Variants in OSBPL10 observed in about 807,000 individuals in gnomAD.
OSBPL10 encodes oxysterol binding protein like 10, also known as oxysterol-binding protein-related protein 10.
Under a neutral mutation model 81.7 loss-of-function variants are expected in OSBPL10, and 49 were observed. That is an observed-to-expected ratio of 0.60 (90% CI 0.48 to 0.76). OSBPL10 has a LOEUF of 0.76. OSBPL10 is among the 30% of genes least tolerant of loss of function. The pLI, the probability that OSBPL10 is intolerant of heterozygous loss-of-function variation, is 0.00. For synonymous variants in OSBPL10, 419 were observed against 383.6 expected (o/e 1.09, Z -1.08); for missense variants, 923 against 987.8 (o/e 0.93, Z 0.88).
At chr3:31,697,664 A>G (rs1360760559) in intron 7 of OSBPL10, among the ~76,000 whole-genome samples, 1 of 152,208 alleles carries the variant, frequency 6.6e-6, no homozygotes, top group East Asian at 1.9e-4. Flanking sequence ...CATACTGCAC[A>G]TCATATGCAA....
chr3:31,829,875 T>A (rs1188317466), intron 4 of OSBPL10, among the ~76,000 whole-genome samples, 165 bp downstream of exon 4: 2 of 152,162 alleles, frequency 1.3e-5, no homozygotes, highest in African/African-American at 2.4e-5. Flanking sequence ...AACAATTAAC[T>A]TTTTTTAAAC....
chr3:31,934,240 G>T, intron 1 of OSBPL10, among the ~76,000 whole-genome samples: 1 of 152,026 alleles, frequency 6.6e-6, no homozygotes, highest in South Asian at 2.1e-4. Context: ...GAGGCTGAGC[G>T]GGGGAGGATG....
intron 2 of OSBPL10, among the ~76,000 whole-genome samples, chr3:32,005,860 T>A (rs941647914): frequency 2.0e-5 from 3 of 152,214 alleles, no homozygotes; most frequent in Non-Finnish European, 2.9e-5. Flanking sequence ...GTGCTGGGAT[T>A]ACAGGGTGAG....
chr3:31,864,834 T>C (rs143905246), intron 3 of OSBPL10, among the ~76,000 whole-genome samples: 11 of 152,140 alleles, frequency 7.2e-5, no homozygotes, highest in Middle Eastern at 3.4e-3. Flanking sequence ...TAACTAGCAG[T>C]CTCCTTTGCT....
At chr3:31,982,959 C>G (rs1485411274), upstream of OSBPL10, among the ~76,000 whole-genome samples, 1 of 152,170 alleles carries the variant, frequency 6.6e-6, no homozygotes, top group Non-Finnish European at 1.5e-5. Context: ...GCTTTAAGAG[C>G]AGTCATATGG....
In OSBPL10 at chr3:31,897,956, C is replaced by T. The variant is rs1035643412; in HGVS notation, c.282-18126G>A. Among the ~76,000 whole-genome samples, 12 of 129,308 alleles carry T rather than the reference C, an allele frequency of 9.3e-5. No individual in the cohort carries two copies. In the Admixed American group the frequency reaches 1.1e-3, roughly 12 times the overall value. 84.8% of individuals were successfully genotyped at this position (129,308 alleles called of 152,430 possible). On this transcript the variant is annotated intron_variant, in intron 1 of 11. Transcript: ENST00000396556. ...CTGGTAGGAGGAGGTTGCAGTGAGC[C>T]GAGATCATGCCACTGCACCCCAGCT...
In OSBPL10 at chr3:31,907,292, C is replaced by A. The variant is rs1328368635; in HGVS notation, c.282-27462G>T. ...TCGTCTTAAAAATAGGGCAGGTATT[C>A]TTTATTGCATTTTACTTGTAAGAAA... On this transcript the variant is annotated intron_variant, in intron 1 of 11. Coordinates refer to ENST00000396556, the MANE Select transcript of OSBPL10 (RefSeq NM_017784.5). Among the ~76,000 whole-genome samples the A allele has an allele frequency of 2.0e-5, 3 of 152,068 alleles. No homozygotes were observed. The East Asian group carries it at 5.8e-4, about 29-fold the overall frequency.
intron 1 of OSBPL10, among the ~76,000 whole-genome samples, chr3:31,894,914 A>G (rs891349393): frequency 6.6e-6 from 1 of 152,142 alleles, no homozygotes; most frequent in Non-Finnish European, 1.5e-5. Flanking sequence ...ATGAGGAAAA[A>G]TGCTGTCGTA....
chr3:32,067,281 C>T (rs1253578413), intron 1 of OSBPL10, among the ~76,000 whole-genome samples: 1 of 152,122 alleles, frequency 6.6e-6, no homozygotes, highest in Non-Finnish European at 1.5e-5. Flanking sequence ...ATCTTGCCTT[C>T]CCAAGTGGGA....
At chr3:31,838,762 A>C (rs1348305632) in intron 3 of OSBPL10, among the ~76,000 whole-genome samples, 1 of 152,304 alleles carries the variant, frequency 6.6e-6, no homozygotes, top group East Asian at 1.9e-4. Flanking sequence ...CCAATATAGC[A>C]TACTAATTCT....
intron 11 of OSBPL10, chr3:31,663,873 C>T: frequency 6.9e-7 from 1 of 1,446,408 alleles, no homozygotes; most frequent in Non-Finnish European, 9.1e-7. Flanking sequence ...CTCAGTTCTG[C>T]CCTCCAGAAG....
intron 3 of OSBPL10, among the ~76,000 whole-genome samples, chr3:31,864,309 C>G (rs1470242940): frequency 2.0e-5 from 3 of 152,060 alleles, no homozygotes; most frequent in Non-Finnish European, 4.4e-5. Context: ...GTGGTGCAAT[C>G]TGGCTCACTG....
intron 6 of OSBPL10, among the ~76,000 whole-genome samples, chr3:31,712,558 C>A (rs1696295390): frequency 6.6e-6 from 1 of 152,166 alleles, no homozygotes; most frequent in Non-Finnish European, 1.5e-5. Context: ...GAAGGGGCTG[C>A]AAGCCAAGGA....
chr3:31,902,682 C>A (rs1696284367), intron 1 of OSBPL10, among the ~76,000 whole-genome samples: 1 of 152,194 alleles, frequency 6.6e-6, no homozygotes, highest in African/African-American at 2.4e-5. Flanking sequence ...CCTGCCTCAG[C>A]CTCCTGAGTA....
At chr3:32,039,820 T>A (rs150150320) in intron 2 of OSBPL10, among the ~76,000 whole-genome samples, 259 of 152,270 alleles carry the variant, frequency 1.7e-3, no homozygotes, top group Non-Finnish European at 2.8e-3. Context: ...TATTATAATA[T>A]ACAATATATG....
intron 8 of OSBPL10, among the ~76,000 whole-genome samples, chr3:31,677,050 G>A (rs1274037665): frequency 3.9e-5 from 6 of 152,178 alleles, no homozygotes; most frequent in Admixed American, 2.0e-4. Flanking sequence ...ATGAGCCCAC[G>A]TATTTACGTT....
chr3:31,782,975 G>A (rs968685602), intron 4 of OSBPL10, among the ~76,000 whole-genome samples: 2 of 151,934 alleles, frequency 1.3e-5, no homozygotes, highest in African/African-American at 2.4e-5. Context: ...ACATGAAAAA[G>A]ACACTTGCAC....
At chr3:31,817,039 C>T (rs1208048460) in intron 4 of OSBPL10, among the ~76,000 whole-genome samples, 1 of 152,188 alleles carries the variant, frequency 6.6e-6, no homozygotes, top group African/African-American at 2.4e-5. Flanking sequence ...GTCCTCTGGC[C>T]ATCCTCTCCC....
chr3:31,661,850 A>G lies in OSBPL10; in HGVS notation c.*222T>C. 1.9e-6 allele frequency: 1 copy of G among 532,708 alleles called. No individual in the cohort carries two copies. The allele number at this position is 532,708 out of a possible 1,614,324, so 33.0% of individuals were successfully genotyped here. ...ACATAGTGCATGTGTGTGAACGTAT[A>G]CGGTGTGTACACACACGTGCCCCGA... On this transcript the variant is annotated 3_prime_UTR_variant, in exon 12 of 12. Transcript: ENST00000396556.
Sources: allele counts gnomAD v4.1 joint callset (sites outside exome capture counted in the v4.1 genomes callset), GRCh38; gene constraint gnomAD v4.1.1; transcripts MANE v1.5; gene names NCBI Gene and HGNC (gene_info 2026-07-23, HGNC 2026-07-21).